Variants in PSMG2 observed in about 807,000 individuals in gnomAD.
PSMG2 encodes the protein CD40 ligand-activated specific transcript 3.
Under a neutral mutation model 31.5 loss-of-function variants are expected in PSMG2, and 21 were observed. The observed-to-expected ratio is 0.67, with a 90% CI of 0.47 to 0.96. PSMG2 has a LOEUF of 0.96. PSMG2 is among the 40% of genes least tolerant of loss of function. The probability of loss-of-function intolerance (pLI) is 0.00; values close to 1 mark genes in which losing one functional copy is unlikely to be tolerated. For synonymous variants in PSMG2, 120 were observed against 110.4 expected, an observed-to-expected ratio of 1.09 and a Z score of -0.54; for missense variants, 318 against 321.2, an observed-to-expected ratio of 0.99 and a Z score of 0.08.
rs71371298 is a variant in PSMG2 at position 12,708,700 on chromosome 18, CTTT to C, written c.229+1999_229+2001del. 3.4e-5 allele frequency among the ~76,000 whole-genome samples: 3 copies of C among 88,728 alleles called. No individual in the cohort carries two copies. The East Asian group carries it at 1.0e-3, about 30-fold the overall frequency. The allele number at this position is 88,728 out of a possible 152,430, so 58.2% of individuals were successfully genotyped here. On this transcript the variant is annotated intron_variant, in intron 2 of 6. Coordinates refer to ENST00000317615, the MANE Select transcript of PSMG2 (RefSeq NM_020232.5). ...TAATTCATTTAATCTTTACAACGTT[CTTT>C]TTTTTTTTTTTTTTTTTTTGAGACA...
At position 12,703,097 on chromosome 18, in the gene PSMG2, C is replaced by G. The variant is rs1171412765; in HGVS notation, c.-11C>G. The G allele has an allele frequency of 2.5e-6, 4 of 1,611,922 alleles. No homozygotes were observed. The highest frequency in any genetic ancestry group is 3.4e-6 in the Non-Finnish European group (4 of 1,179,384). On this transcript the variant is annotated 5_prime_UTR_variant, in exon 1 of 7. Transcript: ENST00000317615. ...CCGCGGTTAGTCCCTGCTGGCCACCCCACTGCGACCATGTTCGTTCCCTGC... is the reference window on the plus strand; with the variant it reads ...CCGCGGTTAGTCCCTGCTGGCCACCGCACTGCGACCATGTTCGTTCCCTGC...
At chr18:12,703,259 T>G in intron 1 of PSMG2, 95 bp downstream of exon 1, 1 of 1,295,946 alleles carries the variant, frequency 7.7e-7, no homozygotes, top group Admixed American at 2.6e-5. Flanking sequence ...TTGGGAGAAA[T>G]AGGGCACTAG....
intron 1 of PSMG2, among the ~76,000 whole-genome samples, chr18:12,695,766 AATTTTTGTCTTAATTAAATGTATAAT>A (rs2039931841): frequency 1.3e-5 from 2 of 151,852 alleles, no homozygotes; most frequent in Admixed American, 6.6e-5. Flanking sequence ...TGAGACTCTT[AATTTTTGTCTTAATTAAATGTATAAT>A]ATCAACCAGA....
chr18:12,704,917 C>T (rs1037791402), intron 1 of PSMG2, among the ~76,000 whole-genome samples: 3 of 151,978 alleles, frequency 2.0e-5, no homozygotes, highest in African/African-American at 7.3e-5. Flanking sequence ...ACCCGAAGGA[C>T]AGAAAACAAA....
intron 2 of PSMG2, among the ~76,000 whole-genome samples, chr18:12,711,412 AC>A (rs1431415708): frequency 1.3e-5 from 2 of 152,206 alleles, no homozygotes; most frequent in African/African-American, 4.8e-5. Flanking sequence ...GAATTGGACT[AC>A]ATGTGTTTGT....
chr18:12,686,739 T>G (rs1485961817), intron 1 of PSMG2: 2 of 249,424 alleles, frequency 8.0e-6, no homozygotes, highest in Non-Finnish European at 7.8e-6. Flanking sequence ...AGAACTCCTC[T>G]GAGAAATGTG....
In PSMG2 at chr18:12,706,633, C is replaced by G. The variant is rs754189025; in HGVS notation, c.141C>G (p.Phe47Leu). ...TGAATATGTCTAAGATTGGTTACTT[C>G]TATACCGATTGTCTTGTGCCAATGG... ...STLNMSKIGY[F>L]YTDCLVPMVG... The change falls in exon 2 of 7, where the codon TTC becomes TTG. Residue 47 changes from phenylalanine to leucine, a missense_variant. Transcript: ENST00000317615. 6.2e-7 allele frequency: 1 copy of G among 1,614,084 alleles called. No individual in the cohort carries two copies. The highest frequency in any genetic ancestry group is 1.1e-5 in the South Asian group (1 of 91,058).
At chr18:12,681,473 C>T (rs959041093) in intron 1 of PSMG2, among the ~76,000 whole-genome samples, 1 of 151,982 alleles carries the variant, frequency 6.6e-6, no homozygotes, top group African/African-American at 2.4e-5. Context: ...TGCTCTTGAA[C>T]TCCTGGGCTC....
chr18:12,662,909 T>C (rs1386986352), intron 1 of PSMG2, among the ~76,000 whole-genome samples: 1 of 152,240 alleles, frequency 6.6e-6, no homozygotes, highest in Non-Finnish European at 1.5e-5. Flanking sequence ...TTCACCTACT[T>C]AATGTGATTC....
At chr18:12,662,292 A>G (rs1395025031) in intron 1 of PSMG2, 1 of 378,218 alleles carries the variant, frequency 2.6e-6, no homozygotes, top group Admixed American at 3.4e-5. Context: ...TACTTTCAAA[A>G]TGTGCTCTTC....
upstream of PSMG2, chr18:12,702,689 C>A: frequency 2.2e-6 from 2 of 919,052 alleles, no homozygotes; most frequent in South Asian, 1.8e-5. Context: ...CCGGGGGACG[C>A]AACGCCGCGT....
intron 1 of PSMG2, among the ~76,000 whole-genome samples, chr18:12,664,887 CAG>C (rs140572088): frequency 0.14 from 21,105 of 151,528 alleles, 1,690 homozygotes; most frequent in African/African-American, 0.2. Flanking sequence ...TTAGTAGAGA[CAG>C]GGTTTCACCA....
At chr18:12,724,680 T>C (rs1158687896) in intron 6 of PSMG2, 61 bp downstream of exon 6, 3 of 1,461,418 alleles carry the variant, frequency 2.1e-6, no homozygotes, top group Non-Finnish European at 2.7e-6. Flanking sequence ...ACTCGCACTT[T>C]ATATACTACC....
At chr18:12,702,827 C>T (rs1598674769), upstream of PSMG2, 2 of 562,732 alleles carry the variant, frequency 3.6e-6, no homozygotes, top group South Asian at 2.3e-5. Flanking sequence ...CGCCGCTCCA[C>T]CTCCCCGCGG....
chr18:12,677,984 A>C, intron 1 of PSMG2: 1 of 678,062 alleles, frequency 1.5e-6, no homozygotes, highest in Admixed American at 2.9e-5. Flanking sequence ...GCTTCATAAT[A>C]GTAGGGACTG....
intron 1 of PSMG2, among the ~76,000 whole-genome samples, chr18:12,690,366 T>C (rs746124355): frequency 3.3e-5 from 5 of 152,172 alleles, no homozygotes; most frequent in Non-Finnish European, 5.9e-5. Context: ...ACTATACTTA[T>C]ATGAAAGCAT....
chr18:12,670,237 G>A (rs1445772990), intron 1 of PSMG2, among the ~76,000 whole-genome samples: 1 of 151,872 alleles, frequency 6.6e-6, no homozygotes, highest in Non-Finnish European at 1.5e-5. Context: ...GGCTGAGGCA[G>A]GAGAACTGCT....
rs575156055 is a variant in PSMG2, at chr18:12,717,242, C to T, written c.289-1275C>T. ...GGGATTACAGGAGTGAGCCACCTTG[C>T]CTGTCCCAGAGCCTGCCTCTCTTAA... is the stretch of plus-strand genomic sequence containing the variant. On this transcript the variant is annotated intron_variant, in intron 3 of 6. Coordinates refer to ENST00000317615, the MANE Select transcript of PSMG2 (RefSeq NM_020232.5). Among the ~76,000 whole-genome samples, 378 of 152,244 alleles carry T rather than the reference C, an allele frequency of 2.5e-3. 1 individual carries two copies. Among genetic ancestry groups the T allele is most frequent in the African/African-American group, 8.8e-3 (364 of 41,552 alleles).
intron 2 of PSMG2, among the ~76,000 whole-genome samples, chr18:12,709,387 C>T (rs1349830041): frequency 2.6e-5 from 4 of 151,748 alleles, no homozygotes; most frequent in African/African-American, 4.8e-5. Context: ...AGTGTGGTGG[C>T]GGGATCTCGG....
Sources: gnomAD v4.1 joint callset for allele counts (sites outside exome capture counted in the v4.1 genomes callset) on GRCh38, gnomAD v4.1.1 for gene constraint, MANE v1.5 for transcripts, NCBI Gene and HGNC (gene_info 2026-07-23, HGNC 2026-07-21) for gene names.